DLG2: variants seen among roughly 807,000 people sequenced by gnomAD.
DLG2 encodes the protein disks large homolog 2.
In DLG2, 45 loss-of-function variants were observed where a neutral mutation model predicts 132.5. That is an observed-to-expected ratio of 0.34 (90% CI 0.27 to 0.44). The LOEUF is 0.44. Ranked by LOEUF, DLG2 falls within the 20% of genes least tolerant of loss-of-function variation. The pLI, the probability that DLG2 is intolerant of heterozygous loss-of-function variation, is 1.00. For missense variants in DLG2, 1,045 were observed against 1,196.9 expected (o/e 0.87, Z 1.87); for synonymous variants, 424 against 419.6 (o/e 1.01, Z -0.13).
At chr11:84,603,092 A>G (rs2099579494) in intron 6 of DLG2, among the ~76,000 whole-genome samples, 1 of 151,992 alleles carries the variant, frequency 6.6e-6, no homozygotes, top group South Asian at 2.1e-4. Context: ...TGTAACATCA[A>G]TCGAGCATCT....
At chr11:84,839,327 C>T (rs2080266108) in intron 6 of DLG2, among the ~76,000 whole-genome samples, 1 of 152,044 alleles carries the variant, frequency 6.6e-6, no homozygotes, top group South Asian at 2.1e-4. Flanking sequence ...CAAACCACTG[C>T]TCAATGAAAT....
chr11:84,169,703 T>A (rs970622180), intron 8 of DLG2, among the ~76,000 whole-genome samples: 2 of 150,784 alleles, frequency 1.3e-5, no homozygotes, highest in Non-Finnish European at 3.0e-5. Context: ...TAAAACCCCA[T>A]CTCTACTAAA....
intron 6 of DLG2, among the ~76,000 whole-genome samples, chr11:84,649,447 C>A (rs2099678862): frequency 6.6e-6 from 1 of 152,082 alleles, no homozygotes; most frequent in South Asian, 2.1e-4. Flanking sequence ...AGGAGAAAGG[C>A]TGTGTAATGA....
In DLG2 at chr11:85,000,013, C is replaced by G. The variant is rs375314988; in HGVS notation, c.357+111648G>C. On this transcript the variant is annotated intron_variant, in intron 6 of 27. Coordinates refer to ENST00000376104, the MANE Select transcript of DLG2 (RefSeq NM_001142699.3). ...ATCTTAAATATATTTCAGATCTTCC[C>G]TTCAGCTCTTATTCCTGTTAACTGA... Among the ~76,000 whole-genome samples, 3 of 15,140 alleles carry G rather than the reference C, an allele frequency of 2.0e-4. No individual in the cohort carries two copies. In the African/African-American group the frequency reaches 3.7e-3, roughly 19 times the overall value. 9.9% of individuals were successfully genotyped at this position (15,140 alleles called of 152,430 possible). A position where few individuals can be genotyped will look rare whatever the true frequency, so the allele number is the denominator to read the frequency against.
At chr11:85,467,246 A>G (rs963849401) in intron 3 of DLG2, among the ~76,000 whole-genome samples, 1 of 152,124 alleles carries the variant, frequency 6.6e-6, no homozygotes, top group Admixed American at 6.6e-5. Flanking sequence ...ACAATCATGT[A>G]ATCTCCAAAC....
intron 15 of DLG2, among the ~76,000 whole-genome samples, chr11:83,882,526 G>A (rs946640983): frequency 2.6e-5 from 4 of 152,026 alleles, no homozygotes; most frequent in Non-Finnish European, 5.9e-5. Context: ...ATATTAAATG[G>A]CTTCACTCAA....
intron 3 of DLG2, among the ~76,000 whole-genome samples, chr11:85,590,380 G>A (rs1393592005): frequency 5.3e-5 from 8 of 151,978 alleles, no homozygotes; most frequent in Admixed American, 5.2e-4. Flanking sequence ...GAAACATAAG[G>A]GAAGAAGTGA....
intron 6 of DLG2, among the ~76,000 whole-genome samples, chr11:84,789,404 T>A (rs887884487): frequency 7.2e-5 from 11 of 152,098 alleles, no homozygotes; most frequent in African/African-American, 2.7e-4. Flanking sequence ...AAAGCTTTAT[T>A]TTTTTTCCTA....
chr11:85,618,032 G>A (rs1209688763), intron 2 of DLG2, among the ~76,000 whole-genome samples: 3 of 152,176 alleles, frequency 2.0e-5, no homozygotes. Flanking sequence ...GTTTCATAAT[G>A]AAGGTGATTT....
chr11:84,128,713 C>T (rs1419808837), intron 9 of DLG2, among the ~76,000 whole-genome samples: 1 of 151,924 alleles, frequency 6.6e-6, no homozygotes, highest in African/African-American at 2.4e-5. Flanking sequence ...CTAATTGGAT[C>T]AATCAGGCAT....
rs117737596 is a variant in DLG2, at chr11:84,639,512, C to T, written c.358-104781G>A. On this transcript the variant is annotated intron_variant, in intron 6 of 27. Coordinates refer to ENST00000376104, the MANE Select transcript of DLG2 (RefSeq NM_001142699.3). ...CTTATTATAAAGGTTTGCTTGACCT[C>T]AAGCCTTGTAAATTGTATGAAGGAA... 2.7e-3 allele frequency among the ~76,000 whole-genome samples: 416 copies of T among 152,272 alleles called. 1 individual carries two copies. The highest frequency in any genetic ancestry group is 4.5e-3 in the Non-Finnish European group (308 of 68,020).
chr11:84,790,409 C>CT (rs2073649900), intron 6 of DLG2, among the ~76,000 whole-genome samples: 1 of 152,050 alleles, frequency 6.6e-6, no homozygotes, highest in African/African-American at 2.4e-5. Context: ...CTATTCAAAT[C>CT]TTTTGCCCAT....
At chr11:84,523,311 C>T (rs2099310151) in intron 7 of DLG2, among the ~76,000 whole-genome samples, 1 of 152,096 alleles carries the variant, frequency 6.6e-6, no homozygotes, top group Admixed American at 6.5e-5. Context: ...ACTATTATTT[C>T]CAAGAGGTTA....
intron 3 of DLG2, among the ~76,000 whole-genome samples, chr11:85,423,763 G>C (rs1038517223): frequency 1.3e-5 from 2 of 152,114 alleles, no homozygotes; most frequent in Non-Finnish European, 1.5e-5. Flanking sequence ...CTAAGGGCTG[G>C]TCTCACACCC....
intron 6 of DLG2, among the ~76,000 whole-genome samples, chr11:84,545,988 T>C (rs1255101365): frequency 3.3e-5 from 5 of 152,162 alleles, no homozygotes. Context: ...ACTTCTGATC[T>C]CAAGTGATCC....
chr11:85,524,611 G>A (rs2074596833), intron 3 of DLG2, among the ~76,000 whole-genome samples: 1 of 152,062 alleles, frequency 6.6e-6, no homozygotes, highest in Admixed American at 6.6e-5. Context: ...TCTTATCTCA[G>A]CTTCCCGAGT....
At chr11:83,769,714 C>T (rs928902139) in intron 18 of DLG2, among the ~76,000 whole-genome samples, 61 of 152,194 alleles carry the variant, frequency 4.0e-4, no homozygotes, top group African/African-American at 1.4e-3. Context: ...CAGGCGCCCA[C>T]CACTACGCCT....
chr11:84,305,724 A>G (rs1567233272), intron 7 of DLG2, among the ~76,000 whole-genome samples: 1 of 152,104 alleles, frequency 6.6e-6, no homozygotes, highest in Non-Finnish European at 1.5e-5. Flanking sequence ...GGTAATGAGG[A>G]ATGATAGATA....
chr11:83,724,043 T>C (rs1312823527), intron 18 of DLG2, among the ~76,000 whole-genome samples: 2 of 152,184 alleles, frequency 1.3e-5, no homozygotes, highest in African/African-American at 4.8e-5. Context: ...TTAAAAATTA[T>C]CCTTTCCAGT....
Sources: allele counts gnomAD v4.1 joint callset (sites outside exome capture counted in the v4.1 genomes callset), GRCh38; gene constraint gnomAD v4.1.1; transcripts MANE v1.5; gene names NCBI Gene and HGNC (gene_info 2026-07-23, HGNC 2026-07-21).